LOXHD1: variants seen among roughly 807,000 people sequenced by gnomAD.
LOXHD1 encodes the protein lipoxygenase homology domain-containing protein 1.
In LOXHD1, 205 loss-of-function variants were observed where a neutral mutation model predicts 248.2. The observed-to-expected ratio is 0.83, with a 90% CI of 0.74 to 0.93. The LOEUF is 0.93. LOXHD1 is among the 40% of genes least tolerant of loss of function. The pLI, the probability that LOXHD1 is intolerant of heterozygous loss-of-function variation, is 0.00. For synonymous variants in LOXHD1, 1,113 were observed against 1,162.8 expected (o/e 0.96, Z 0.87); for missense variants, 2,930 against 2,971.6 (o/e 0.99, Z 0.33).
chr18:46,528,390 C>A (rs1598923832), intron 29 of LOXHD1, among the ~76,000 whole-genome samples: 1 of 151,898 alleles, frequency 6.6e-6, no homozygotes, highest in African/African-American at 2.4e-5. Flanking sequence ...GAGAGGGGAG[C>A]CAAGCTTGCG....
chr18:46,481,269 G>A (rs1228072892), intron 40 of LOXHD1, among the ~76,000 whole-genome samples: 2 of 152,168 alleles, frequency 1.3e-5, no homozygotes, highest in East Asian at 3.9e-4. Flanking sequence ...TCCCCCTTCT[G>A]GACGAAGGTG....
At chr18:46,650,866 T>C (rs984872761) in intron 1 of LOXHD1, among the ~76,000 whole-genome samples, 19 of 152,118 alleles carry the variant, frequency 1.2e-4, no homozygotes, top group Non-Finnish European at 2.2e-4. Flanking sequence ...ATGCAGCCAT[T>C]GGCTCCTCCA....
At chr18:46,622,213 A>G (rs1321855778) in intron 4 of LOXHD1, among the ~76,000 whole-genome samples, 1 of 152,132 alleles carries the variant, frequency 6.6e-6, no homozygotes. Flanking sequence ...TTTGCAGGCC[A>G]TTTGGTCTCT....
intron 2 of LOXHD1, among the ~76,000 whole-genome samples, chr18:46,647,859 C>T (rs2144396285): frequency 6.6e-6 from 1 of 152,238 alleles, no homozygotes; most frequent in East Asian, 1.9e-4. Flanking sequence ...ATCTGGAGCC[C>T]CAGGATGTCT....
At chr18:46,588,546 A>T (rs1206956683) in intron 12 of LOXHD1, among the ~76,000 whole-genome samples, 4 of 152,138 alleles carry the variant, frequency 2.6e-5, no homozygotes, top group Non-Finnish European at 2.9e-5. Flanking sequence ...ACCTCCTGAC[A>T]TGGTCTCTCC....
At chr18:46,653,940 GCATTT>G (rs2039145438) in intron 1 of LOXHD1, among the ~76,000 whole-genome samples, 1 of 152,150 alleles carries the variant, frequency 6.6e-6, no homozygotes, top group African/African-American at 2.4e-5. Flanking sequence ...GAAAAGATAG[GCATTT>G]CATAAGTGGT....
At chr18:46,514,311 C>A (rs1290964957) in intron 34 of LOXHD1, among the ~76,000 whole-genome samples, 1 of 152,120 alleles carries the variant, frequency 6.6e-6, no homozygotes, top group Non-Finnish European at 1.5e-5. Flanking sequence ...TCGGGTGCCC[C>A]TGGATGGCAG....
intron 4 of LOXHD1, among the ~76,000 whole-genome samples, chr18:46,631,383 G>A (rs1475528848): frequency 3.9e-5 from 6 of 152,232 alleles, no homozygotes; most frequent in South Asian, 4.1e-4. Flanking sequence ...ACCACAGGGA[G>A]TAGGTTGAGA....
At chr18:46,651,015 A>AAAACTAG (rs1309884200) in intron 1 of LOXHD1, among the ~76,000 whole-genome samples, 1 of 152,238 alleles carries the variant, frequency 6.6e-6, no homozygotes, top group African/African-American at 2.4e-5. Context: ...AACAAATAGT[A>AAAACTAG]ACCTGGTTTT....
At position 46,613,953 on chromosome 18, in the gene LOXHD1, C is replaced by T. The variant is rs148726271; in HGVS notation, c.611-3029G>A. ...GTGCTAATATTTAAGATTTTTAGGT[C>T]TTTCACATGACAAAATGCTTATCAT... On this transcript the variant is annotated intron_variant, in intron 5 of 40. Coordinates refer to ENST00000642948, the MANE Select transcript of LOXHD1 (RefSeq NM_001384474.1). Among the ~76,000 whole-genome samples, 286 of 152,214 alleles carry T rather than the reference C, an allele frequency of 1.9e-3. 1 individual carries two copies. The highest frequency in any genetic ancestry group is 5.6e-3 in the African/African-American group (233 of 41,530).
intron 14 of LOXHD1, among the ~76,000 whole-genome samples, chr18:46,572,646 C>A (rs1367411971): frequency 6.6e-6 from 1 of 152,162 alleles, no homozygotes; most frequent in Non-Finnish European, 1.5e-5. Flanking sequence ...GCATAGAAAA[C>A]AAGCACCTCT....
At position 46,559,956 on chromosome 18, in the gene LOXHD1, C is replaced by A. The variant is rs865900145; in HGVS notation, c.3061+127G>T. The A allele has an allele frequency of 4.9e-5, 49 of 993,072 alleles. 2 individuals carry two copies. In the Middle Eastern group the frequency reaches 2.8e-3, roughly 57 times the overall value. 61.5% of individuals were successfully genotyped at this position (993,072 alleles called of 1,614,324 possible). On this transcript the variant is annotated intron_variant, in intron 19 of 40. Transcript: ENST00000642948. ...CAGGTCAAGAGAGCTATTTGGGAACCATGATGGGTGCCCACCTATTTGGCC... is the reference window on the plus strand; with the variant it reads ...CAGGTCAAGAGAGCTATTTGGGAACAATGATGGGTGCCCACCTATTTGGCC...
intron 4 of LOXHD1, among the ~76,000 whole-genome samples, chr18:46,631,519 G>T (rs1480059004): frequency 6.6e-6 from 1 of 152,240 alleles, no homozygotes; most frequent in Non-Finnish European, 1.5e-5. Flanking sequence ...GGCAGAGGAA[G>T]TGGGTAATGC....
rs113524410 is a variant in LOXHD1, at chr18:46,484,646, G to C, written c.6182+373C>G. ...AAGAGAAAGATGTAGCAGAGTTAAGGGGGAGGTGGAGGCTGTCTCAGCAGT... is the reference window on the plus strand; with the variant it reads ...AAGAGAAAGATGTAGCAGAGTTAAGCGGGAGGTGGAGGCTGTCTCAGCAGT... On this transcript the variant is annotated intron_variant, in intron 39 of 40. Coordinates refer to ENST00000642948, the MANE Select transcript of LOXHD1 (RefSeq NM_001384474.1). Among the ~76,000 whole-genome samples, 842 of 152,324 alleles carry C rather than the reference G, an allele frequency of 5.5e-3. 3 individuals are homozygous for C. The highest frequency in any genetic ancestry group is 0.019 in the African/African-American group (806 of 41,568).
intron 12 of LOXHD1, among the ~76,000 whole-genome samples, chr18:46,584,841 C>T (rs1116491): frequency 0.098 from 14,948 of 152,000 alleles, 1,063 homozygotes; most frequent in Non-Finnish European, 0.15. Context: ...AAGAATCCAG[C>T]GACATATCAA....
Position 46,483,733 on chromosome 18 carries a change from G to C in LOXHD1, c.6195C>G (p.Asp2065Glu). 1 of 1,548,340 alleles carries C rather than the reference G, an allele frequency of 6.5e-7. No homozygotes were observed. The highest frequency in any genetic ancestry group is 8.7e-7 in the Non-Finnish European group (1 of 1,144,900). ...RQRAFRKGTT[D>E]TFEFDSIYLG... ...AGTAGATGCTGTCAAACTCAAACGT[G>C]TCTGTGGTCCCCCTGCAGGAAACAA... The change falls in exon 40 of 41, where the codon GAC becomes GAG. Residue 2065 changes from aspartate to glutamate, a missense_variant. Transcript: ENST00000642948.
At chr18:46,521,639 A>C (rs2035582841) in intron 32 of LOXHD1, among the ~76,000 whole-genome samples, 2 of 152,172 alleles carry the variant, frequency 1.3e-5, no homozygotes, top group South Asian at 2.1e-4. Context: ...TGAAGTCCTC[A>C]GTCCTACACC....
chr18:46,644,809 G>A (rs2039008218), intron 2 of LOXHD1, among the ~76,000 whole-genome samples: 1 of 152,146 alleles, frequency 6.6e-6, no homozygotes, highest in African/African-American at 2.4e-5. Context: ...AAGCATTTGT[G>A]AAACAATCCA....
At chr18:46,591,002 T>C (rs1460460647) in intron 12 of LOXHD1, among the ~76,000 whole-genome samples, 1 of 152,224 alleles carries the variant, frequency 6.6e-6, no homozygotes, top group Non-Finnish European at 1.5e-5. Flanking sequence ...GAGGTTTCTA[T>C]GTTTATGAGT....
Sources: allele counts gnomAD v4.1 joint callset (sites outside exome capture counted in the v4.1 genomes callset), GRCh38; gene constraint gnomAD v4.1.1; transcripts MANE v1.5; gene names NCBI Gene and HGNC (gene_info 2026-07-23, HGNC 2026-07-21).